TANC2: variants seen among roughly 807,000 people sequenced by gnomAD.
TANC2 encodes tetratricopeptide repeat, ankyrin repeat and coiled-coil containing 2.
Under a neutral mutation model 210.5 loss-of-function variants are expected in TANC2, and 26 were observed. The observed-to-expected ratio is 0.12, with a 90% CI of 0.09 to 0.17. The LOEUF is 0.17. TANC2 is among the 10% of genes least tolerant of loss of function. TANC2 has a pLI of 1.00. For synonymous variants in TANC2, 931 were observed against 967.1 expected, an observed-to-expected ratio of 0.96 and a Z score of 0.69; for missense variants, 2,129 against 2,608.9, an observed-to-expected ratio of 0.82 and a Z score of 4.01.
chr17:63,361,637 C>T (rs987860652), intron 14 of TANC2, among the ~76,000 whole-genome samples: 4 of 152,228 alleles, frequency 2.6e-5, no homozygotes, highest in African/African-American at 9.6e-5. Context: ...CAGGGAGTCC[C>T]TAGGTCTGGG....
chr17:63,103,231 G>T (rs1246557400), intron 4 of TANC2, among the ~76,000 whole-genome samples: 1 of 152,098 alleles, frequency 6.6e-6, no homozygotes, highest in Non-Finnish European at 1.5e-5. Context: ...TTGTTACTCT[G>T]TAACCTTTAT....
chr17:63,281,275 A>C (rs1257284339), intron 9 of TANC2, among the ~76,000 whole-genome samples: 1 of 152,118 alleles, frequency 6.6e-6, no homozygotes, highest in Non-Finnish European at 1.5e-5. Context: ...CCACAGCTTT[A>C]CTTACTTGAA....
chr17:62,996,199 T>G (rs2033098483), intron 1 of TANC2, among the ~76,000 whole-genome samples: 1 of 152,208 alleles, frequency 6.6e-6, no homozygotes, highest in African/African-American at 2.4e-5. Flanking sequence ...CTGTCTAGTA[T>G]TCTCATCATT....
chr17:63,381,730 A>T (rs2047616367), intron 15 of TANC2, among the ~76,000 whole-genome samples: 1 of 152,204 alleles, frequency 6.6e-6, no homozygotes, highest in South Asian at 2.1e-4. Flanking sequence ...ACAGCTAAAG[A>T]TCCCTAAGAT....
chr17:63,161,878 TC>T (rs1308159827), intron 5 of TANC2, among the ~76,000 whole-genome samples: 9 of 152,204 alleles, frequency 5.9e-5, no homozygotes, highest in Admixed American at 5.9e-4. Flanking sequence ...CCTACCCTGT[TC>T]CCTTGCCTTT....
chr17:63,173,832 CTT>C (rs760437233), intron 5 of TANC2, among the ~76,000 whole-genome samples: 9 of 152,216 alleles, frequency 5.9e-5, no homozygotes, highest in East Asian at 1.9e-4. Flanking sequence ...AATAATCAGA[CTT>C]ATTCATATAA....
chr17:63,377,668 C>G (rs966519809), intron 14 of TANC2, among the ~76,000 whole-genome samples: 8 of 152,208 alleles, frequency 5.3e-5, no homozygotes, highest in African/African-American at 1.9e-4. Flanking sequence ...CCAAACTGTT[C>G]CAACCTCTGC....
intron 5 of TANC2, among the ~76,000 whole-genome samples, chr17:63,193,615 C>T (rs2041253860): frequency 6.6e-6 from 1 of 152,088 alleles, no homozygotes; most frequent in Non-Finnish European, 1.5e-5. Context: ...TTGTAAAGTC[C>T]TTTAAAATCT....
At chr17:63,154,235 A>G (rs1019402192) in intron 5 of TANC2, 2 of 152,182 alleles carry the variant, frequency 1.3e-5, no homozygotes, top group Non-Finnish European at 2.9e-5. Context: ...ACTAAGATCT[A>G]GAGAATTCAA....
chr17:63,405,539 A>T (rs1014228644), intron 20 of TANC2, among the ~76,000 whole-genome samples: 1 of 152,226 alleles, frequency 6.6e-6, no homozygotes, highest in African/African-American at 2.4e-5. Context: ...ACTCCTTGGA[A>T]GGTTCATTTC....
intron 4 of TANC2, among the ~76,000 whole-genome samples, chr17:63,123,293 C>T (rs539783633): frequency 3.3e-5 from 5 of 152,226 alleles, no homozygotes; most frequent in African/African-American, 7.2e-5. Flanking sequence ...CGCGGTGGCT[C>T]ACGCCTGTAA....
At chr17:63,183,271 T>C (rs1037823361) in intron 5 of TANC2, among the ~76,000 whole-genome samples, 2 of 152,214 alleles carry the variant, frequency 1.3e-5, no homozygotes, top group Non-Finnish European at 2.9e-5. Flanking sequence ...CCAGCATAAA[T>C]CTTCCACAGA....
intron 12 of TANC2, 150 bp downstream of exon 12, chr17:63,340,482 G>T: frequency 3.2e-6 from 2 of 633,056 alleles, no homozygotes; most frequent in South Asian, 4.9e-5. Flanking sequence ...ACAGACAAGA[G>T]ATTTTACTTG....
At chr17:63,389,536 C>T (rs1434453647) in exon 17 of TANC2, 18 of 1,606,030 alleles carry the variant, frequency 1.1e-5, no homozygotes, top group South Asian at 3.3e-5. Context: ...GTGCAAGAAA[C>T]GGGCCAAGGT....
At chr17:63,208,046 GT>G (rs1383006001) in intron 7 of TANC2, among the ~76,000 whole-genome samples, 6 of 152,086 alleles carry the variant, frequency 3.9e-5, no homozygotes, top group Non-Finnish European at 5.9e-5. Context: ...ACCTGTTCAA[GT>G]TTTTGCTCAT....
At chr17:63,346,869 C>G (rs1238967554) in intron 12 of TANC2, among the ~76,000 whole-genome samples, 2 of 151,556 alleles carry the variant, frequency 1.3e-5, no homozygotes, top group East Asian at 3.9e-4. Context: ...CCATACCTGG[C>G]TAATTTTTTT....
intron 12 of TANC2, among the ~76,000 whole-genome samples, chr17:63,346,713 CT>C (rs973588045): frequency 6.6e-6 from 1 of 151,888 alleles, no homozygotes; most frequent in Admixed American, 6.6e-5. Flanking sequence ...TTGTCAGTTT[CT>C]TTTTTTTGAG....
intron 9 of TANC2, among the ~76,000 whole-genome samples, chr17:63,269,379 A>G (rs1206185495): frequency 6.6e-6 from 1 of 152,146 alleles, no homozygotes; most frequent in African/African-American, 2.4e-5. Flanking sequence ...GTCTGAATAA[A>G]GTTGATCAAG....
chr17:63,138,887 T>C (rs941847239), intron 4 of TANC2, among the ~76,000 whole-genome samples: 2 of 152,370 alleles, frequency 1.3e-5, no homozygotes, highest in South Asian at 2.1e-4. Flanking sequence ...ATTGTAACCA[T>C]GGACATAGAT....
Sources: gnomAD v4.1 joint callset for allele counts (sites outside exome capture counted in the v4.1 genomes callset) on GRCh38, gnomAD v4.1.1 for gene constraint, MANE v1.5 for transcripts, NCBI Gene and HGNC (gene_info 2026-07-23, HGNC 2026-07-21) for gene names.